The following STARD13 variants were observed in gnomAD, a reference collection of about 807,000 sequenced individuals.
STARD13 encodes the protein stAR-related lipid transfer protein 13.
STARD13 carries 62 observed loss-of-function variants against 106.4 expected under a neutral mutation model. That is an observed-to-expected ratio of 0.58 (90% CI 0.48 to 0.72). The LOEUF is 0.72. STARD13 is among the 30% of genes least tolerant of loss of function. The pLI is 0.00. For synonymous variants in STARD13, 565 were observed against 553.0 expected (o/e 1.02, Z -0.31); for missense variants, 1,387 against 1,424.0 (o/e 0.97, Z 0.42).
chr13:33,430,173 T>C, the STARD13 span, among the ~76,000 whole-genome samples: 3 of 152,216 alleles, frequency 2.0e-5, no homozygotes, highest in Admixed American at 6.5e-5. Flanking sequence ...CGCCTCGGCC[T>C]CCCAAAGTAC....
chr13:33,437,944 C>T, the STARD13 span, among the ~76,000 whole-genome samples: 1 of 152,154 alleles, frequency 6.6e-6, no homozygotes, highest in Non-Finnish European at 1.5e-5. Context: ...GTAGACCGAA[C>T]TCTCATGCAC....
chr13:33,274,085 A>C (rs2138369358), intron 1 of STARD13: 2 of 45,802 alleles, frequency 4.4e-5, no homozygotes, highest in Middle Eastern at 0.021. Flanking sequence ...CATAAAAATC[A>C]GTCTGTCTTT....
intron 7 of STARD13, among the ~76,000 whole-genome samples, chr13:33,124,097 C>T (rs915795271): frequency 2.0e-5 from 3 of 152,174 alleles, no homozygotes; most frequent in Admixed American, 6.5e-5. Flanking sequence ...CTGATTGATT[C>T]GCTTTTACTA....
the STARD13 span, among the ~76,000 whole-genome samples, chr13:33,403,461 C>T: frequency 6.6e-6 from 1 of 152,060 alleles, no homozygotes; most frequent in Non-Finnish European, 1.5e-5. Flanking sequence ...ATAAATCATC[C>T]CCAAAACTGT....
intron 1 of STARD13, chr13:33,276,713 C>T: frequency 6.6e-6 from 1 of 152,090 alleles, no homozygotes; most frequent in East Asian, 1.9e-4. Context: ...GAAGAGAATG[C>T]CTACTTCAGC....
At chr13:33,501,622 C>G in the STARD13 span, among the ~76,000 whole-genome samples, 4 of 152,150 alleles carry the variant, frequency 2.6e-5, no homozygotes, top group African/African-American at 9.7e-5. Flanking sequence ...GCTTTCCCAG[C>G]ATCATTTATT....
chr13:33,174,907 T>C (rs143268514), intron 1 of STARD13, among the ~76,000 whole-genome samples: 1 of 152,314 alleles, frequency 6.6e-6, no homozygotes, highest in African/African-American at 2.4e-5. Flanking sequence ...AAAAATGTTG[T>C]AAACAATCCT....
At chr13:33,362,361 T>G in the STARD13 span, among the ~76,000 whole-genome samples, 1 of 152,212 alleles carries the variant, frequency 6.6e-6, no homozygotes, top group African/African-American at 2.4e-5. Context: ...TCCGTCCCCG[T>G]GATCCATTCA....
rs1878179048 is a variant in STARD13, at chr13:33,130,801, C to G, written c.388-512G>C. ...AAGCTAACACTCCTTATTTTAGTCCCCTGCACTTGATTCTTATCGTGTATT... is the reference window on the plus strand; with the variant it reads ...AAGCTAACACTCCTTATTTTAGTCCGCTGCACTTGATTCTTATCGTGTATT... On this transcript the variant is annotated intron_variant, in intron 4 of 13. Coordinates refer to ENST00000336934, the MANE Select transcript of STARD13 (RefSeq NM_178006.4). The surrounding 1 kb of genome is among the most constrained non-coding windows in gnomAD (Gnocchi z 4.1). 6.6e-6 allele frequency among the ~76,000 whole-genome samples: 1 copy of G among 152,190 alleles called. No individual in the cohort carries two copies. Among genetic ancestry groups the G allele is most frequent in the African/African-American group, 2.4e-5 (1 of 41,446 alleles).
chr13:33,242,137 G>A (rs1359140548), intron 1 of STARD13, among the ~76,000 whole-genome samples: 1 of 151,994 alleles, frequency 6.6e-6, no homozygotes, highest in Non-Finnish European at 1.5e-5. Context: ...AAGGTGAGGA[G>A]CGTCTCTGAC....
intron 1 of STARD13, among the ~76,000 whole-genome samples, chr13:33,311,714 T>C (rs1893143494): frequency 1.3e-5 from 2 of 152,236 alleles, no homozygotes; most frequent in Admixed American, 1.3e-4. Context: ...AGTGGGCTCC[T>C]TTTTGGTTCT....
chr13:33,638,067 ACT>A, the STARD13 span, among the ~76,000 whole-genome samples: 2 of 152,144 alleles, frequency 1.3e-5, no homozygotes, highest in Non-Finnish European at 2.9e-5. Context: ...AAAGAGTCAA[ACT>A]CTGTAAAATA....
intron 8 of STARD13, among the ~76,000 whole-genome samples, chr13:33,114,135 A>G (rs1428424080): frequency 6.6e-6 from 1 of 152,194 alleles, no homozygotes; most frequent in African/African-American, 2.4e-5. Flanking sequence ...TGCATAGTAC[A>G]TTAGAGTACA....
At chr13:33,423,879 G>A in the STARD13 span, among the ~76,000 whole-genome samples, 1 of 152,160 alleles carries the variant, frequency 6.6e-6, no homozygotes, top group Admixed American at 6.5e-5. Context: ...TCACTCATAG[G>A]TGGGAATTGA....
At chr13:33,502,722 G>A in the STARD13 span, among the ~76,000 whole-genome samples, 8 of 152,226 alleles carry the variant, frequency 5.3e-5, no homozygotes, top group East Asian at 1.9e-4. Flanking sequence ...GCCTTGCATC[G>A]CAGTGATGAA....
At chr13:33,391,797 G>A in the STARD13 span, among the ~76,000 whole-genome samples, 1 of 152,080 alleles carries the variant, frequency 6.6e-6, no homozygotes, top group Non-Finnish European at 1.5e-5. Flanking sequence ...ACTGCCAGTG[G>A]CCTTCAGAGT....
chr13:33,616,269 A>G, the STARD13 span, among the ~76,000 whole-genome samples: 1,406 of 151,962 alleles, frequency 9.3e-3, 26 homozygotes, highest in African/African-American at 0.032. Context: ...GAAGGGGAGC[A>G]GGGAAGGGAA....
At chr13:33,107,241 TAC>T (rs928352429) in intron 12 of STARD13, among the ~76,000 whole-genome samples, 6 of 150,870 alleles carry the variant, frequency 4.0e-5, no homozygotes, top group African/African-American at 1.5e-4. Context: ...GAGGTGGTTT[TAC>T]AGTTTATTAT....
the STARD13 span, among the ~76,000 whole-genome samples, chr13:33,591,429 C>T: frequency 6.4e-3 from 969 of 152,192 alleles, 10 homozygotes; most frequent in African/African-American, 0.022. Flanking sequence ...ATATCCCCTG[C>T]CATAATATAA....
Sources: gnomAD v4.1 joint callset for allele counts (sites outside exome capture counted in the v4.1 genomes callset) on GRCh38, gnomAD v4.1.1 for gene constraint, Gnocchi (gnomAD v3.1) non-coding constraint, MANE v1.5 for transcripts, NCBI Gene and HGNC (gene_info 2026-07-23, HGNC 2026-07-21) for gene names.